The following MANSC1 variants were observed in gnomAD, a reference collection of about 807,000 sequenced individuals.
MANSC1 encodes the protein MANSC domain-containing protein 1.
Under a neutral mutation model 14.1 loss-of-function variants are expected in MANSC1, and 13 were observed. That is an observed-to-expected ratio of 0.92 (90% confidence interval 0.60 to 1.46). The LOEUF is 1.46. Among genes scored for constraint, MANSC1 ranks in the 40% most tolerant of loss-of-function variants. The pLI is 0.00. For missense variants in MANSC1, 486 were observed against 511.4 expected (o/e 0.95, Z 0.48); for synonymous variants, 227 against 200.7 (o/e 1.13, Z -1.11).
intron 2 of MANSC1, among the ~76,000 whole-genome samples, chr12:12,339,903 C>A (rs558862714): frequency 6.6e-5 from 10 of 152,228 alleles, no homozygotes; most frequent in African/African-American, 2.4e-4. Flanking sequence ...GCCTTGACCT[C>A]CTGGGCTCAA....
rs1248785952 is a variant in MANSC1, at chr12:12,330,372, T to C, written c.951A>G (p.Leu317=). The C allele has an allele frequency of 1.1e-5, 17 of 1,614,118 alleles. No homozygotes were observed. Among genetic ancestry groups the C allele is most frequent in the South Asian group, 4.4e-5 (4 of 91,092 alleles). ...AGATTTCTGTAAACGGTATGGTTTC[T>C]AAGCTGCCTTTCGAGTCCGTAGGTG... The part of the protein sequence containing the change: ...FQAPTDSKGS[L]ETIPFTEISN... Residue 317 remains leucine (L), a synonymous_variant, in exon 4 of 4, where the codon TTA becomes TTG. Transcript: ENST00000535902.
At chr12:12,333,061 T>TATATATATATA (rs1229828202) in intron 3 of MANSC1, among the ~76,000 whole-genome samples, 9 of 132,520 alleles carry the variant, frequency 6.8e-5, no homozygotes, top group Non-Finnish European at 1.4e-4. Flanking sequence ...ATATATATAT[T>TATATATATATA]TTTGAGACAG....
chr12:12,335,052 G>T (rs1412754748), intron 3 of MANSC1, among the ~76,000 whole-genome samples: 1 of 152,108 alleles, frequency 6.6e-6, no homozygotes, highest in Admixed American at 6.5e-5. Flanking sequence ...GTTTCCCCCA[G>T]TGCAGCAAAT....
At position 12,329,421 on chromosome 12, in the gene MANSC1, G is replaced by C. The variant is rs1253968434; in HGVS notation, c.*606C>G. 6.6e-6 allele frequency: 1 copy of C among 152,232 alleles called. No homozygotes were observed. Among genetic ancestry groups the C allele is most frequent in the Non-Finnish European group, 1.5e-5 (1 of 68,048 alleles). 9.4% of individuals were successfully genotyped at this position (152,232 alleles called of 1,614,324 possible). A position where few individuals can be genotyped will look rare whatever the true frequency, so the allele number is the denominator to read the frequency against. On this transcript the variant is annotated 3_prime_UTR_variant, in exon 4 of 4. Coordinates refer to ENST00000535902, the MANE Select transcript of MANSC1 (RefSeq NM_018050.4). The stretch of plus-strand genomic sequence containing the variant: ...AAGAATGTGAATGAATTGGAACCTA[G>C]ATGTCCTAACCTGTTTCTTTGCATA...
chr12:12,332,566 G>T (rs569585135), intron 3 of MANSC1, among the ~76,000 whole-genome samples: 2 of 152,266 alleles, frequency 1.3e-5, no homozygotes, highest in South Asian at 4.2e-4. Context: ...TGTCGCCCAG[G>T]CTGGAGTGCA....
intron 2 of MANSC1, chr12:12,338,843 A>G: frequency 2.2e-6 from 1 of 457,720 alleles, no homozygotes; most frequent in Non-Finnish European, 4.0e-6. Flanking sequence ...AAGTCTTTAA[A>G]GGCCAAGAAG....
chr12:12,343,371 C>A lies in MANSC1; in HGVS notation c.-57G>T. On this transcript the variant is annotated 5_prime_UTR_variant, in exon 2 of 4. Coordinates refer to ENST00000535902, the MANE Select transcript of MANSC1 (RefSeq NM_018050.4). ...GGTCAAGGATAATCCTCCCTCTGGT[C>A]TTAGTTTGCTTTAAGAAGGCTGCAC... The A allele has an allele frequency of 7.9e-7, 1 of 1,271,566 alleles. No individual in the cohort carries two copies. Among genetic ancestry groups the A allele is most frequent in the South Asian group, 1.2e-5 (1 of 80,488 alleles). 78.8% of individuals were successfully genotyped at this position (1,271,566 alleles called of 1,614,324 possible). A position where few individuals can be genotyped will look rare whatever the true frequency, so the allele number is the denominator to read the frequency against.
chr12:12,349,909 C>T (rs1369289726), intron 1 of MANSC1, among the ~76,000 whole-genome samples, 169 bp downstream of exon 1: 1 of 152,238 alleles, frequency 6.6e-6, no homozygotes, highest in Non-Finnish European at 1.5e-5. Flanking sequence ...TGGAATACTG[C>T]AGCGACTCAA....
chr12:12,337,543 A>T (rs745889760), intron 3 of MANSC1, among the ~76,000 whole-genome samples: 14 of 152,232 alleles, frequency 9.2e-5, no homozygotes, highest in Non-Finnish European at 2.1e-4. Context: ...CCTGGGCAAC[A>T]GAGTGAGACT....
rs1565788849 is a variant in MANSC1 at position 12,328,271 on chromosome 12, T to G, written c.*1756A>C. 6.6e-6 allele frequency: 1 copy of G among 152,120 alleles called. No individual in the cohort carries two copies. Among genetic ancestry groups the G allele is most frequent in the Non-Finnish European group, 1.5e-5 (1 of 68,040 alleles). The allele number at this position is 152,120 out of a possible 1,614,324, so 9.4% of individuals were successfully genotyped here. ...TTAGTGCTAGTTATTATTATTATTA[T>G]TTTTGAGACGGAGTCTGGCTCTGTT... On this transcript the variant is annotated 3_prime_UTR_variant, in exon 4 of 4. Transcript: ENST00000535902.
intron 3 of MANSC1, among the ~76,000 whole-genome samples, chr12:12,336,069 C>T (rs752552403): frequency 6.6e-5 from 10 of 152,030 alleles, no homozygotes; most frequent in Non-Finnish European, 1.5e-4. Context: ...CCTCCTAAGG[C>T]GGAGGTTGCA....
At chr12:12,347,774 C>A (rs1008000717) in intron 1 of MANSC1, among the ~76,000 whole-genome samples, 48 of 152,296 alleles carry the variant, frequency 3.2e-4, no homozygotes, top group African/African-American at 1.2e-3. Flanking sequence ...AACAGAAATT[C>A]TCGCCTGGGC....
intron 1 of MANSC1, among the ~76,000 whole-genome samples, chr12:12,348,612 G>C (rs563844243): frequency 6.6e-6 from 1 of 151,710 alleles, no homozygotes; most frequent in South Asian, 2.1e-4. Flanking sequence ...CACTGTAATG[G>C]AGGATACATG....
At chr12:12,337,886 G>T (rs1227267872) in intron 3 of MANSC1, among the ~76,000 whole-genome samples, 1 of 152,088 alleles carries the variant, frequency 6.6e-6, no homozygotes, top group Non-Finnish European at 1.5e-5. Flanking sequence ...ACAGAATCTG[G>T]CACATGGTAA....
chr12:12,342,577 TTTTTTTG>T (rs571189694), intron 2 of MANSC1, among the ~76,000 whole-genome samples: 3,918 of 97,032 alleles, frequency 0.04, 90 homozygotes, highest in Non-Finnish European at 0.052. Flanking sequence ...GTAGTCAGTG[TTTTTTTG>T]TTTTTTTTTT....
chr12:12,349,413 T>C (rs1350274085), intron 1 of MANSC1, among the ~76,000 whole-genome samples: 1 of 152,288 alleles, frequency 6.6e-6, no homozygotes, highest in African/African-American at 2.4e-5. Context: ...GTATGCAGCA[T>C]TGAGAGAAGT....
rs1235807273 is a variant in MANSC1, at chr12:12,326,347, C to T, written c.*3680G>A. ...TCCCTTTACAAGCAAGAAAATCTCT[C>T]CTAGAAGTCCCTAGTAGGTTTCCTT... On this transcript the variant is annotated 3_prime_UTR_variant, in exon 4 of 4. Transcript: ENST00000535902. The T allele has an allele frequency of 6.6e-6, 1 of 152,166 alleles. No individual in the cohort carries two copies. The highest frequency in any genetic ancestry group is 1.5e-5 in the Non-Finnish European group (1 of 68,026). The allele number at this position is 152,166 out of a possible 1,614,324, so 9.4% of individuals were successfully genotyped here. A position where few individuals can be genotyped will look rare whatever the true frequency, so the allele number is the denominator to read the frequency against.
intron 1 of MANSC1, among the ~76,000 whole-genome samples, chr12:12,344,686 A>G (rs61922052): frequency 0.11 from 16,223 of 148,916 alleles, 898 homozygotes; most frequent in Non-Finnish European, 0.12. Flanking sequence ...GGCCAGGATG[A>G]TCTCGATCTC....
chr12:12,334,150 G>A (rs1034243931), intron 3 of MANSC1, among the ~76,000 whole-genome samples: 6 of 152,042 alleles, frequency 3.9e-5, no homozygotes, highest in African/African-American at 1.4e-4. Flanking sequence ...AAATACTTGG[G>A]AGGCTGAATG....
Sources: allele counts gnomAD v4.1 joint callset (sites outside exome capture counted in the v4.1 genomes callset), GRCh38; gene constraint gnomAD v4.1.1; transcripts MANE v1.5; gene names NCBI Gene and HGNC (gene_info 2026-07-23, HGNC 2026-07-21).